The following TRIM2 variants were observed in gnomAD, a reference collection of about 807,000 sequenced individuals.
TRIM2 encodes tripartite motif containing 2, also known as tripartite motif-containing protein 2.
A neutral mutation model predicts 75.2 loss-of-function variants in TRIM2; 20 were observed. The observed-to-expected ratio is 0.27, with a 90% CI of 0.19 to 0.39. The LOEUF (loss-of-function observed/expected upper bound fraction) is 0.39. Ranked by LOEUF, TRIM2 falls within the 10% of genes least tolerant of loss-of-function variation. TRIM2 has a pLI of 1.00. For missense variants in TRIM2, 660 were observed against 990.8 expected, an observed-to-expected ratio of 0.67 and a Z score of 4.48; for synonymous variants, 373 against 388.3, an observed-to-expected ratio of 0.96 and a Z score of 0.46.
intron 6 of TRIM2, among the ~76,000 whole-genome samples, chr4:153,299,197 A>G (rs571716839): frequency 2.6e-4 from 39 of 152,014 alleles, no homozygotes; most frequent in Non-Finnish European, 5.0e-4. Flanking sequence ...GTCTGTTGCT[A>G]TGAATTCAAC....
At chr4:153,282,140 C>T (rs1280912325) in intron 3 of TRIM2, among the ~76,000 whole-genome samples, 1 of 152,224 alleles carries the variant, frequency 6.6e-6, no homozygotes, top group Non-Finnish European at 1.5e-5. Flanking sequence ...TTGGCCTGCC[C>T]ACCCACCCCA....
chr4:153,206,217 G>C (rs1210522224), intron 1 of TRIM2, among the ~76,000 whole-genome samples: 1 of 152,190 alleles, frequency 6.6e-6, no homozygotes, highest in Non-Finnish European at 1.5e-5. Flanking sequence ...AGGCTGCCCC[G>C]ACCTCAGAGG....
At position 153,334,909 on chromosome 4, in the gene TRIM2, T is replaced by C; in HGVS notation, c.2259T>C (p.His753=). Residue 753 remains histidine (H), a synonymous_variant, in exon 12 of 12, where the codon CAT becomes CAC. Transcript: ENST00000338700. ...PQGLALTSDG[H]VVVADSGNHC... ...GCCTGGCCCTAACTTCAGATGGTCATGTTGTGGTTGCAGACTCTGGAAATC... is the reference window on the plus strand; with the variant it reads ...GCCTGGCCCTAACTTCAGATGGTCACGTTGTGGTTGCAGACTCTGGAAATC... 6.2e-7 allele frequency: 1 copy of C among 1,614,084 alleles called. No homozygotes were observed. Among genetic ancestry groups the C allele is most frequent in the East Asian group, 2.2e-5 (1 of 44,894 alleles).
rs146600033 is a variant in TRIM2 at position 153,274,377 on chromosome 4, C to T, written c.216-1516C>T. ...GGGAGTTACTGTTTTAAGAATGACT[C>T]CTAGTTTCTGGTTTGTTTAAATAAA... is the stretch of plus-strand genomic sequence containing the variant. On this transcript the variant is annotated intron_variant, in intron 2 of 11. Coordinates refer to ENST00000338700, the MANE Select transcript of TRIM2 (RefSeq NM_015271.5). 1.2e-4 allele frequency among the ~76,000 whole-genome samples: 18 copies of T among 152,240 alleles called. No homozygotes were observed. In the East Asian group the frequency reaches 3.3e-3, roughly 28 times the overall value.
chr4:153,256,737 GT>G (rs569295217), intron 1 of TRIM2, among the ~76,000 whole-genome samples: 135 of 152,270 alleles, frequency 8.9e-4, no homozygotes, highest in African/African-American at 3.1e-3. Context: ...ACAAGGTCTG[GT>G]TATCCCCGAA....
chr4:153,236,155 T>G (rs1056675544), intron 1 of TRIM2, among the ~76,000 whole-genome samples: 2 of 152,110 alleles, frequency 1.3e-5, no homozygotes, highest in African/African-American at 4.8e-5. Context: ...ATTGTAAGTT[T>G]ACTGAGGCCT....
chr4:153,317,219 G>A (rs1317136272), intron 8 of TRIM2, among the ~76,000 whole-genome samples: 1 of 151,656 alleles, frequency 6.6e-6, no homozygotes, highest in Non-Finnish European at 1.5e-5. Flanking sequence ...GCCTACTAGA[G>A]GCTTCTATTT....
intron 4 of TRIM2, among the ~76,000 whole-genome samples, 173 bp downstream of exon 4, chr4:153,293,306 G>T (rs1762186744): frequency 6.6e-6 from 1 of 152,226 alleles, no homozygotes; most frequent in African/African-American, 2.4e-5. Flanking sequence ...AGTGAGGAAG[G>T]TTGTCTTCTG....
At chr4:153,330,833 A>G (rs971485817) in intron 11 of TRIM2, among the ~76,000 whole-genome samples, 2 of 152,216 alleles carry the variant, frequency 1.3e-5, no homozygotes. Context: ...CTTGTTCAAT[A>G]TAATACTAGA....
intron 1 of TRIM2, among the ~76,000 whole-genome samples, chr4:153,196,250 C>A (rs1733751773): frequency 7.7e-6 from 1 of 130,210 alleles, no homozygotes; most frequent in Non-Finnish European, 1.8e-5. Context: ...CATGGCAAGA[C>A]CCCATTCCTA....
intron 11 of TRIM2, among the ~76,000 whole-genome samples, chr4:153,334,250 A>T (rs1452206718): frequency 1.3e-5 from 2 of 152,094 alleles, no homozygotes; most frequent in East Asian, 3.8e-4. Flanking sequence ...ATTCTTCTCC[A>T]CCACCTGGAA....
At chr4:153,315,621 T>G in intron 7 of TRIM2, 33 bp downstream of exon 7, 1 of 1,520,998 alleles carries the variant, frequency 6.6e-7, no homozygotes, top group Non-Finnish European at 8.9e-7. Context: ...TTTAACTACT[T>G]ATATTGATAA....
At chr4:153,189,677 G>A (rs905277473) in intron 1 of TRIM2, among the ~76,000 whole-genome samples, 4 of 152,200 alleles carry the variant, frequency 2.6e-5, no homozygotes, top group Non-Finnish European at 4.4e-5. Context: ...CTCACCCTGT[G>A]TCTTGTTTAA....
At chr4:153,232,996 C>G (rs1744069869) in intron 1 of TRIM2, among the ~76,000 whole-genome samples, 1 of 152,150 alleles carries the variant, frequency 6.6e-6, no homozygotes, top group African/African-American at 2.4e-5. Flanking sequence ...CCAGCTGCCC[C>G]CTCTCTAGAC....
intron 1 of TRIM2, among the ~76,000 whole-genome samples, chr4:153,263,038 A>G (rs1426689243): frequency 6.6e-6 from 1 of 152,216 alleles, no homozygotes; most frequent in South Asian, 2.1e-4. Flanking sequence ...GCATTAGACT[A>G]TCACATGGGA....
Position 153,317,431 on chromosome 4 carries a change from A to G in TRIM2, c.1782+1432A>G, listed in dbSNP as rs1053813280. On this transcript the variant is annotated intron_variant, in intron 8 of 11. Transcript: ENST00000338700. ...TGGGAGGCCGAGGCGGGCGGATCAC[A>G]AGGTCAGGAGATCGAGACCATCCTG... is the stretch of plus-strand genomic sequence containing the variant. Among the ~76,000 whole-genome samples, 5 of 146,466 alleles carry G rather than the reference A, an allele frequency of 3.4e-5. No individual in the cohort carries two copies. The East Asian group carries it at 8.6e-4, about 25-fold the overall frequency.
At chr4:153,235,200 T>C (rs1166484859) in intron 1 of TRIM2, among the ~76,000 whole-genome samples, 2 of 152,192 alleles carry the variant, frequency 1.3e-5, no homozygotes, top group African/African-American at 4.8e-5. Context: ...GCTGTGTGAC[T>C]CTGAGAAGCA....
chr4:153,270,149 C>T (rs574590694), intron 1 of TRIM2, among the ~76,000 whole-genome samples, 186 bp from the exon 2 acceptor site: 2 of 151,994 alleles, frequency 1.3e-5, no homozygotes, highest in South Asian at 2.1e-4. Flanking sequence ...AGGAGGGTCT[C>T]GATCTCTTGA....
Position 153,336,953 on chromosome 4 carries a change from TC to T in TRIM2, c.*1988del, listed in dbSNP as rs1025055531. On this transcript the variant is annotated 3_prime_UTR_variant, in exon 12 of 12. Coordinates refer to ENST00000338700, the MANE Select transcript of TRIM2 (RefSeq NM_015271.5). ...TGTTTCCTAACATCAGTGAGATACA[TC>T]TTTGAATTTAAACATTCATATTTAC... 2.0e-6 allele frequency: 2 copies of T among 984,076 alleles called. No homozygotes were observed. Among genetic ancestry groups the T allele is most frequent in the African/African-American group, 3.5e-5 (2 of 57,212 alleles). The allele number at this position is 984,076 out of a possible 1,614,324, so 61.0% of individuals were successfully genotyped here.
Sources: gnomAD v4.1 joint callset for allele counts (sites outside exome capture counted in the v4.1 genomes callset) on GRCh38, gnomAD v4.1.1 for gene constraint, MANE v1.5 for transcripts, NCBI Gene and HGNC (gene_info 2026-07-23, HGNC 2026-07-21) for gene names.